The following CCDC180 variants were observed in gnomAD, a reference collection of about 807,000 sequenced individuals.
CCDC180 encodes coiled-coil domain-containing protein 180.
CCDC180 carries 154 observed loss-of-function variants against 209.2 expected under a neutral mutation model. The ratio of observed to expected loss-of-function variants is 0.74; its 90% CI spans 0.65 to 0.84. CCDC180 has a LOEUF of 0.84. Among genes scored for constraint, CCDC180 ranks in the 40% least tolerant of loss-of-function variants. The probability of loss-of-function intolerance (pLI) is 0.00; values close to 1 mark genes in which losing one functional copy is unlikely to be tolerated. For missense variants in CCDC180, 1,874 were observed against 1,997.3 expected (o/e 0.94, Z 1.18); for synonymous variants, 778 against 749.1 (o/e 1.04, Z -0.63).
chr9:97,375,929 G>T (rs895840938), intron 36 of CCDC180: 6 of 286,648 alleles, frequency 2.1e-5, no homozygotes, highest in Non-Finnish European at 3.9e-5. Context: ...GTAGGCTCAG[G>T]GGGGACACAG....
chr9:97,325,303 A>G (rs1833496717), intron 14 of CCDC180, 111 bp downstream of exon 14: 2 of 1,138,366 alleles, frequency 1.8e-6, no homozygotes, highest in Non-Finnish European at 2.5e-6. Context: ...GCAGATGGGG[A>G]CATTGAGGCT....
Position 97,377,178 on chromosome 9 carries a change from GACATC to G in CCDC180, c.*287_*291del, listed in dbSNP as rs1028265089. The stretch of plus-strand genomic sequence containing the variant: ...TCAAATAGGCACCAGAGCTTCAAAG[GACATC>G]ACCTCCAAACAGCATGCTGGGCAGG... On this transcript the variant is annotated 3_prime_UTR_variant, in exon 37 of 37. Transcript: ENST00000529487. 7.8e-5 allele frequency: 20 copies of G among 255,070 alleles called. No homozygotes were observed. The highest frequency in any genetic ancestry group is 1.1e-4 in the African/African-American group (5 of 45,316). 15.8% of individuals were successfully genotyped at this position (255,070 alleles called of 1,614,324 possible). A position where few individuals can be genotyped will look rare whatever the true frequency, so the allele number is the denominator to read the frequency against.
intron 13 of CCDC180, among the ~76,000 whole-genome samples, chr9:97,324,226 G>T (rs1419025905): frequency 2.0e-5 from 3 of 152,116 alleles, no homozygotes; most frequent in African/African-American, 7.2e-5. Context: ...CTTGAACCAG[G>T]GTTGGCTCAT....
At chr9:97,376,148 G>A (rs571138644) in intron 36 of CCDC180, 37 of 156,780 alleles carry the variant, frequency 2.4e-4, no homozygotes, top group African/African-American at 7.7e-4. Flanking sequence ...TTTGATCCCA[G>A]TGCCTGTCAG....
intron 29 of CCDC180, chr9:97,365,030 G>T (rs1826879586): frequency 6.6e-6 from 1 of 152,298 alleles, no homozygotes; most frequent in Non-Finnish European, 1.5e-5. Context: ...CATGAATTGG[G>T]CAGTGCCAGA....
At chr9:97,361,015 T>G (rs952052230) in intron 26 of CCDC180, among the ~76,000 whole-genome samples, 1 of 152,156 alleles carries the variant, frequency 6.6e-6, no homozygotes, top group Admixed American at 6.5e-5. Flanking sequence ...TCCATCTCCC[T>G]CTGGTGGGGT....
rs73654702 is a variant in CCDC180, at chr9:97,326,750, C to G, written c.1661+81C>G. On this transcript the variant is annotated intron_variant, in intron 15 of 36. Transcript: ENST00000529487. ...GGTCAAGGGCAGCCTGCCCAAGAGC[C>G]CAGGAGCCTGCCAGCTTAAGATGAA... 0.011 allele frequency: 9,466 copies of G among 859,092 alleles called. 529 individuals carry two copies. The African/African-American group carries it at 0.13, about 12-fold the overall frequency. 53.2% of individuals were successfully genotyped at this position (859,092 alleles called of 1,614,324 possible). A position where few individuals can be genotyped will look rare whatever the true frequency, so the allele number is the denominator to read the frequency against.
intron 25 of CCDC180, among the ~76,000 whole-genome samples, chr9:97,358,391 G>A (rs554511627): frequency 6.6e-6 from 1 of 152,166 alleles, no homozygotes; most frequent in South Asian, 2.1e-4. Flanking sequence ...CAAAGTGCTG[G>A]GATTACAGGT....
At chr9:97,354,515 A>T in intron 22 of CCDC180, 54 bp from the exon 23 acceptor site, 1 of 1,586,620 alleles carries the variant, frequency 6.3e-7, no homozygotes, top group South Asian at 1.1e-5. Context: ...TTTGGGATAG[A>T]TGAGAACTCT....
intron 24 of CCDC180, among the ~76,000 whole-genome samples, chr9:97,356,309 C>G (rs916715552): frequency 6.6e-6 from 1 of 152,170 alleles, no homozygotes. Flanking sequence ...AAGTGCAGTT[C>G]GATAAAAGAA....
intron 19 of CCDC180, among the ~76,000 whole-genome samples, chr9:97,345,311 T>C (rs1433361302): frequency 6.6e-6 from 1 of 152,256 alleles, no homozygotes; most frequent in African/African-American, 2.4e-5. Context: ...AAAGTGGTTT[T>C]TAACAGTTTT....
In CCDC180 at chr9:97,328,078, C is replaced by T. The variant is rs1248554902; in HGVS notation, c.1720C>T (p.Leu574=). ...KEVMEYPAIM[L]KELNSYSSAL... is the part of the protein sequence containing the mutation. ...AGTGATGGAGTACCCAGCGATCATG[C>T]TGAAAGAACTCAACTCCTACAGCTC... The change falls in exon 16 of 37, where the codon CTG becomes TTG. Residue 574 remains leucine, a synonymous_variant. Coordinates refer to ENST00000529487, the MANE Select transcript of CCDC180 (RefSeq NM_020893.6). The T allele has an allele frequency of 6.2e-7, 1 of 1,613,950 alleles. No individual in the cohort carries two copies. Among genetic ancestry groups the T allele is most frequent in the Admixed American group, 1.7e-5 (1 of 59,990 alleles).
Position 97,314,419 on chromosome 9 carries a change from A to C in CCDC180, c.486A>C (p.Thr162=). The C allele has an allele frequency of 1.2e-6, 2 of 1,613,972 alleles. No homozygotes were observed. The highest frequency in any genetic ancestry group is 1.7e-6 in the Non-Finnish European group (2 of 1,179,898). The change falls in exon 6 of 37, where the codon ACA becomes ACC. Residue 162 remains threonine, a synonymous_variant. Coordinates refer to ENST00000529487, the MANE Select transcript of CCDC180 (RefSeq NM_020893.6). Reference sequence around the variant, plus strand: ...AAATGGAACCTCTCATCGTGGACACAGGGGGACTTTTTTTGAAGAAGCTGA... The same window carrying C: ...AAATGGAACCTCTCATCGTGGACACCGGGGGACTTTTTTTGAAGAAGCTGA... ...GKEMEPLIVD[T]GGLFLKKLTE...
intron 18 of CCDC180, among the ~76,000 whole-genome samples, chr9:97,337,771 C>T (rs1825952682): frequency 2.0e-5 from 3 of 152,042 alleles, no homozygotes; most frequent in South Asian, 2.1e-4. Context: ...TGGTAGAATT[C>T]GGCTGTGAAT....
intron 18 of CCDC180, among the ~76,000 whole-genome samples, chr9:97,337,025 CTT>C (rs1417638514): frequency 1.3e-5 from 2 of 152,168 alleles, no homozygotes; most frequent in African/African-American, 4.8e-5. Context: ...TATCCTGAGA[CTT>C]TGCTGAAGTT....
In CCDC180 at chr9:97,376,869, A is replaced by G; in HGVS notation, c.4949A>G (p.His1650Arg). 2 of 1,612,694 alleles carry G rather than the reference A, an allele frequency of 1.2e-6. No individual in the cohort carries two copies. The highest frequency in any genetic ancestry group is 1.7e-6 in the Non-Finnish European group (2 of 1,179,922). ...AAGGACAGCTGGAAGCAGTCCCTGC[A>G]CACTATCCAAGGCCTGTATGTGTGA... is the stretch of plus-strand genomic sequence containing the variant. ...RWKDSWKQSL[H>R]TIQGLYV The change falls in exon 37 of 37, where the codon CAC becomes CGC. Residue 1650 changes from histidine (H) to arginine (R), a missense_variant. Physicochemically the swap from His to Arg is conservative, Grantham distance 29. Transcript: ENST00000529487.
chr9:97,315,638 C>T (rs1312903309), intron 8 of CCDC180, among the ~76,000 whole-genome samples: 1 of 152,218 alleles, frequency 6.6e-6, no homozygotes, highest in African/African-American at 2.4e-5. Flanking sequence ...TGGTCTTGTG[C>T]AGTGAGCTGA....
chr9:97,340,788 C>T (rs773891834), intron 18 of CCDC180, among the ~76,000 whole-genome samples: 36 of 152,154 alleles, frequency 2.4e-4, no homozygotes, highest in Non-Finnish European at 4.6e-4. Flanking sequence ...ACTTAGCAGA[C>T]CAGGAAAGGG....
chr9:97,313,407 T>G (rs1833056254), intron 5 of CCDC180, 62 bp downstream of exon 5: 4 of 1,243,808 alleles, frequency 3.2e-6, no homozygotes, highest in Non-Finnish European at 4.7e-6. Flanking sequence ...GGGTGTGTCA[T>G]GGCTCCCAGC....
Sources: allele counts gnomAD v4.1 joint callset (sites outside exome capture counted in the v4.1 genomes callset), GRCh38; gene constraint gnomAD v4.1.1; transcripts MANE v1.5; gene names NCBI Gene and HGNC (gene_info 2026-07-23, HGNC 2026-07-21).